Variants in C4orf50 observed in about 807,000 individuals in gnomAD.
C4orf50 encodes chromosome 4 open reading frame 50.
Under a neutral mutation model 77.2 loss-of-function variants are expected in C4orf50, and 80 were observed. The ratio of observed to expected loss-of-function variants is 1.04; its 90% CI spans 0.87 to 1.25. The LOEUF (loss-of-function observed/expected upper bound fraction) is 1.25, where lower values mean the gene tolerates loss of function less well. C4orf50 is among the 50% of genes most tolerant of loss of function. C4orf50 has a pLI of 0.00. For missense variants in C4orf50, 1,257 were observed against 1,152.9 expected, an observed-to-expected ratio of 1.09 and a Z score of -1.31; for synonymous variants, 532 against 465.3, an observed-to-expected ratio of 1.14 and a Z score of -1.84.
At chr4:5,993,866 AAAAG>A (rs1170278428) in intron 26 of C4orf50, among the ~76,000 whole-genome samples, 2 of 148,458 alleles carry the variant, frequency 1.3e-5, no homozygotes, top group African/African-American at 5.0e-5. Flanking sequence ...ATAAAAAAAA[AAAAG>A]AGAGAGAGAG....
At chr4:5,946,472 T>G (rs1718487726) in intron 7 of C4orf50, among the ~76,000 whole-genome samples, 1 of 152,252 alleles carries the variant, frequency 6.6e-6, no homozygotes, top group South Asian at 2.1e-4. Flanking sequence ...AAAGACTAAC[T>G]TCATGCTAGA....
At chr4:5,993,463 C>T (rs867213507) in intron 26 of C4orf50, among the ~76,000 whole-genome samples, 9 of 152,300 alleles carry the variant, frequency 5.9e-5, no homozygotes, top group Admixed American at 6.5e-5. Context: ...AGTTGGCCGC[C>T]GTGGCTGTCA....
chr4:5,904,273 G>C (rs974035344), intron 7 of C4orf50: 5 of 152,296 alleles, frequency 3.3e-5, no homozygotes, highest in Admixed American at 2.6e-4. Context: ...AATGGTGTCA[G>C]AGGAAGCAGA....
At chr4:5,910,759 G>C (rs1716767559) in intron 7 of C4orf50, among the ~76,000 whole-genome samples, 4 of 152,074 alleles carry the variant, frequency 2.6e-5, no homozygotes, top group Admixed American at 2.6e-4. Flanking sequence ...GGGGAAATAA[G>C]ATAAAGTCCC....
intron 7 of C4orf50, among the ~76,000 whole-genome samples, chr4:5,937,761 C>G (rs898632359): frequency 1.4e-4 from 22 of 151,942 alleles, no homozygotes; most frequent in African/African-American, 5.3e-4. Flanking sequence ...CAAATACTAG[C>G]CCAAGAAACT....
At chr4:5,985,451 T>C (rs1053580913) in intron 28 of C4orf50, among the ~76,000 whole-genome samples, 1 of 151,968 alleles carries the variant, frequency 6.6e-6, no homozygotes, top group Non-Finnish European at 1.5e-5. Context: ...ATTTTTATAT[T>C]AATTGGGACA....
intron 25 of C4orf50, among the ~76,000 whole-genome samples, chr4:6,004,791 G>T (rs988748247): frequency 1.4e-5 from 2 of 147,060 alleles, no homozygotes; most frequent in Admixed American, 6.7e-5. Context: ...GGTGATGGTG[G>T]TGATGGTGAT....
In C4orf50 at chr4:5,959,419, T is replaced by C. The variant is rs77621594; in HGVS notation, c.4483A>G (p.Ser1495Gly). 5,217 of 1,614,236 alleles carry C rather than the reference T, an allele frequency of 3.2e-3. 10 individuals are homozygous for C. The highest frequency in any genetic ancestry group is 3.9e-3 in the Non-Finnish European group (4,617 of 1,180,036). ...GGTGATTTATGGACCTGGGAATTGC[T>C]GCAAATGCTTTGTCTAAGCTCTTGG... The change falls in exon 34 of 34, where the codon AGC becomes GGC. Residue 1495 changes from serine to glycine, a missense_variant. Ser to Gly is a moderately conservative substitution (Grantham distance 56, BLOSUM62 0). Transcript: ENST00000531445.
chr4:5,938,345 GA>G (rs996582225), intron 7 of C4orf50, among the ~76,000 whole-genome samples: 3 of 152,174 alleles, frequency 2.0e-5, no homozygotes, highest in African/African-American at 7.2e-5. Flanking sequence ...ACCATAACAG[GA>G]ATTAGGAGAA....
intron 28 of C4orf50, among the ~76,000 whole-genome samples, chr4:5,988,138 G>A (rs560800135): frequency 6.6e-6 from 1 of 152,198 alleles, no homozygotes; most frequent in Non-Finnish European, 1.5e-5. Flanking sequence ...GAGCACCCAG[G>A]TGTGAGTCCC....
chr4:6,008,054 TGCTG>T lies in C4orf50; in HGVS notation c.901_904del (p.Gln301LysfsTer147). The stretch of plus-strand genomic sequence containing the variant: ...CAGCTCCTCTCGCAGGCACTGGTTT[TGCTG>T]GGCGAGGTCCTCCACCTGGCCCTGC... On this transcript the variant is annotated frameshift_variant, in exon 25 of 34. Coordinates refer to ENST00000531445, the Ensembl canonical transcript of C4orf50. LOFTEE classifies it high-confidence loss of function. This position sits in a 1 kb window ranked among gnomAD's most constrained non-coding sequence, Gnocchi z 6.0. 1 of 399,312 alleles carries T rather than the reference TGCTG, an allele frequency of 2.5e-6. No homozygotes were observed. Among genetic ancestry groups the T allele is most frequent in the Non-Finnish European group, 4.4e-6 (1 of 226,300 alleles). The allele number at this position is 399,312 out of a possible 1,614,324, so 24.7% of individuals were successfully genotyped here.
intron 23 of C4orf50, among the ~76,000 whole-genome samples, chr4:6,016,505 T>C (rs1433280281): frequency 6.6e-6 from 1 of 152,156 alleles, no homozygotes; most frequent in East Asian, 1.9e-4. Context: ...GCCAAGATTA[T>C]GTCACTTCAC....
chr4:5,956,881 T>TG (rs1718992786), downstream of C4orf50: 1 of 152,336 alleles, frequency 6.6e-6, no homozygotes. Flanking sequence ...AGCTCCTGTG[T>TG]GCCAAGTTCC....
intron 7 of C4orf50, among the ~76,000 whole-genome samples, chr4:5,929,511 C>G (rs1376806514): frequency 1.5e-4 from 23 of 152,186 alleles, no homozygotes. Flanking sequence ...AGAACTGACT[C>G]TGAAGTGAAT....
intron 7 of C4orf50, among the ~76,000 whole-genome samples, chr4:5,938,554 T>C (rs1229603978): frequency 6.7e-6 from 1 of 149,214 alleles, no homozygotes; most frequent in Admixed American, 6.7e-5. Context: ...GGTGGTTTTG[T>C]AATCAGTTTA....
downstream of C4orf50, among the ~76,000 whole-genome samples, chr4:5,955,215 G>A (rs1346942142): frequency 2.0e-5 from 3 of 152,114 alleles, no homozygotes. This position sits in a 1 kb window ranked among gnomAD's most constrained non-coding sequence, Gnocchi z 5.1. Flanking sequence ...GGCCCTCCTT[G>A]AGCGCTTCAC....
Position 6,018,311 on chromosome 4 carries a change from G to A in C4orf50, c.121C>T (p.Gln41Ter), listed in dbSNP as rs925201230. 1.0e-5 allele frequency: 4 copies of A among 398,818 alleles called. No homozygotes were observed. The highest frequency in any genetic ancestry group is 4.1e-5 in the African/African-American group (2 of 48,576). 24.7% of individuals were successfully genotyped at this position (398,818 alleles called of 1,614,324 possible). The change falls in exon 23 of 34, where the codon CAG becomes TAG. Residue 41 changes from glutamine to a stop codon, truncating the protein, a stop_gained. Transcript: ENST00000531445. LOFTEE classifies it high-confidence loss of function. This position sits in a 1 kb window ranked among gnomAD's most constrained non-coding sequence, Gnocchi z 5.1. ...TCCTCAGCACTATCTTCCATGTCCTGGAATATCCAGGATGTGTCAATCTTC... is the reference window on the plus strand; with the variant it reads ...TCCTCAGCACTATCTTCCATGTCCTAGAATATCCAGGATGTGTCAATCTTC...
chr4:5,972,295 G>A (rs1487861940), intron 31 of C4orf50, among the ~76,000 whole-genome samples: 1 of 152,122 alleles, frequency 6.6e-6, no homozygotes, highest in Non-Finnish European at 1.5e-5. Context: ...GAGCCACCGC[G>A]CCCGGCCTGC....
chr4:5,973,040 T>A (rs1232246863), intron 31 of C4orf50, among the ~76,000 whole-genome samples: 3 of 152,242 alleles, frequency 2.0e-5, no homozygotes, highest in Non-Finnish European at 2.9e-5. Context: ...ACCAACATTC[T>A]TCCAGGTTTG....
Sources: allele counts gnomAD v4.1 joint callset (sites outside exome capture counted in the v4.1 genomes callset), GRCh38; gene constraint gnomAD v4.1.1; non-coding constraint Gnocchi (gnomAD v3.1); transcripts MANE v1.5; gene names NCBI Gene and HGNC (gene_info 2026-07-23, HGNC 2026-07-21).